PROS1: variants seen among roughly 807,000 people sequenced by gnomAD.
PROS1 encodes the protein vitamin K-dependent protein S.
Under a neutral mutation model 75.9 loss-of-function variants are expected in PROS1, and 29 were observed. That is an observed-to-expected ratio of 0.38 (90% CI 0.28 to 0.52). The LOEUF is 0.52. Among genes scored for constraint, PROS1 ranks in the 20% least tolerant of loss-of-function variants. The pLI is 0.83. For missense variants in PROS1, 680 were observed against 810.3 expected, an observed-to-expected ratio of 0.84 and a Z score of 1.95; for synonymous variants, 245 against 280.6, an observed-to-expected ratio of 0.87 and a Z score of 1.27.
chr3:93,917,765 C>T (rs969687109), intron 3 of PROS1, among the ~76,000 whole-genome samples: 4 of 152,168 alleles, frequency 2.6e-5, no homozygotes, highest in African/African-American at 9.6e-5. Flanking sequence ...GGTCCCCCAG[C>T]AGTGCTGGCC....
At chr3:93,908,504 T>A (rs555643840) in intron 4 of PROS1, among the ~76,000 whole-genome samples, 48 of 151,954 alleles carry the variant, frequency 3.2e-4, no homozygotes, top group Non-Finnish European at 6.6e-4. Flanking sequence ...TGTGTGTGTA[T>A]GGAAAGAGAG....
chr3:93,920,186 C>T (rs1027613381), intron 3 of PROS1, among the ~76,000 whole-genome samples: 4 of 151,996 alleles, frequency 2.6e-5, no homozygotes, highest in African/African-American at 9.6e-5. Flanking sequence ...CTGCTTGAGC[C>T]CAGGAGTTTG....
rs1708147232 is a variant in PROS1 at position 93,874,083 on chromosome 3, C to A, written c.*162G>T. 9.9e-6 allele frequency: 8 copies of A among 808,468 alleles called. No individual in the cohort carries two copies. The highest frequency in any genetic ancestry group is 1.3e-5 in the Non-Finnish European group (7 of 523,552). The allele number at this position is 808,468 out of a possible 1,614,324, so 50.1% of individuals were successfully genotyped here. A position where few individuals can be genotyped will look rare whatever the true frequency, so the allele number is the denominator to read the frequency against. On this transcript the variant is annotated 3_prime_UTR_variant, in exon 15 of 15. Transcript: ENST00000394236. ...AATTTCTTTACTGTGATTTATATCA[C>A]AACAGAATTTTTTTCCTTGACAAAG...
intron 10 of PROS1, among the ~76,000 whole-genome samples, chr3:93,889,943 G>C (rs1708406831): frequency 2.0e-5 from 3 of 152,064 alleles, no homozygotes; most frequent in African/African-American, 7.2e-5. Flanking sequence ...TGCAGGGTCG[G>C]GCAAAATAGA....
At chr3:93,936,087 TC>T (rs541442114) in intron 1 of PROS1, among the ~76,000 whole-genome samples, 2 of 146,242 alleles carry the variant, frequency 1.4e-5, no homozygotes, top group Non-Finnish European at 3.0e-5. Context: ...TGTCCCCATC[TC>T]CCCCCCACAC....
intron 12 of PROS1, among the ~76,000 whole-genome samples, chr3:93,881,701 A>G (rs1269998566): frequency 6.6e-6 from 1 of 151,988 alleles, no homozygotes; most frequent in African/African-American, 2.4e-5. Context: ...CTGGGACTAC[A>G]GGTGCATGCC....
intron 6 of PROS1, among the ~76,000 whole-genome samples, chr3:93,901,953 T>C (rs1410353297): frequency 1.3e-5 from 2 of 152,328 alleles, no homozygotes; most frequent in African/African-American, 2.4e-5. Context: ...AAAAACTCTA[T>C]GTTTTTGAAA....
chr3:93,891,169 A>T (rs1232506591), intron 10 of PROS1, among the ~76,000 whole-genome samples: 3 of 152,166 alleles, frequency 2.0e-5, no homozygotes, highest in Non-Finnish European at 4.4e-5. Context: ...ATCAGCACAA[A>T]CTTCTTGCCA....
chr3:93,904,534 A>G (rs1164623895), intron 6 of PROS1, among the ~76,000 whole-genome samples: 1 of 152,236 alleles, frequency 6.6e-6, no homozygotes, highest in African/African-American at 2.4e-5. Context: ...TGATTTGAAC[A>G]TGAATCCAAT....
intron 6 of PROS1, among the ~76,000 whole-genome samples, chr3:93,901,688 A>C (rs8178661): frequency 8.4e-4 from 128 of 152,338 alleles, no homozygotes; most frequent in South Asian, 6.2e-3. Flanking sequence ...CCAGATTAAT[A>C]GTCAAAATTT....
Position 93,879,206 on chromosome 3 carries a change from G to A in PROS1, c.1601C>T (p.Pro534Leu). 1.2e-6 allele frequency: 2 copies of A among 1,614,046 alleles called. No homozygotes were observed. Among genetic ancestry groups the A allele is most frequent in the Admixed American group, 3.3e-5 (2 of 60,008 alleles). ...GGAGTCCACCAAGGACACAGCAAAG[G>A]GCACTGTGTTGTTACCAGAAACCAA... ...LALVSGNNTVPFAVSLVDSTS... is the reference protein window; with the variant it reads ...LALVSGNNTVLFAVSLVDSTS... Residue 534 changes from proline to leucine, a missense_variant, in exon 13 of 15, where the codon CCC becomes CTC. Coordinates refer to ENST00000394236, the MANE Select transcript of PROS1 (RefSeq NM_000313.4).
At chr3:93,939,699 T>C (rs1390353624) in intron 1 of PROS1, among the ~76,000 whole-genome samples, 5 of 152,046 alleles carry the variant, frequency 3.3e-5, no homozygotes, top group East Asian at 3.9e-4. Context: ...TTTCATCAAA[T>C]GTAAAAATCC....
chr3:93,909,157 G>T (rs574876438), intron 4 of PROS1, among the ~76,000 whole-genome samples: 30 of 152,150 alleles, frequency 2.0e-4, no homozygotes, highest in Non-Finnish European at 3.2e-4. Context: ...ACAAAGTAGG[G>T]CCTGGAATGG....
intron 1 of PROS1, among the ~76,000 whole-genome samples, chr3:93,937,225 G>A (rs1188800459): frequency 6.6e-6 from 1 of 152,178 alleles, no homozygotes; most frequent in African/African-American, 2.4e-5. Context: ...GGTCGTGATT[G>A]ATTTGAGCAA....
intron 7 of PROS1, among the ~76,000 whole-genome samples, chr3:93,899,055 T>C (rs1257790841): frequency 5.9e-5 from 9 of 151,872 alleles, no homozygotes; most frequent in Admixed American, 5.9e-4. Flanking sequence ...TAACTGAAGG[T>C]TGATACAATC....
At chr3:93,903,880 A>G (rs924475838) in intron 6 of PROS1, among the ~76,000 whole-genome samples, 2 of 151,522 alleles carry the variant, frequency 1.3e-5, no homozygotes, top group Admixed American at 6.6e-5. Flanking sequence ...TTAGTTACAT[A>G]TGTATACATG....
At chr3:93,922,453 T>G (rs551811603) in intron 3 of PROS1, among the ~76,000 whole-genome samples, 1 of 152,318 alleles carries the variant, frequency 6.6e-6, no homozygotes, top group Non-Finnish European at 1.5e-5. Context: ...ATTTAAAAAC[T>G]ATAATGAAAC....
intron 1 of PROS1, among the ~76,000 whole-genome samples, chr3:93,953,900 T>A (rs928572592): frequency 6.6e-6 from 1 of 152,090 alleles, no homozygotes; most frequent in Non-Finnish European, 1.5e-5. Context: ...AAAATCAATA[T>A]GCAAAAATCA....
At chr3:93,918,617 C>T (rs769548625) in intron 3 of PROS1, among the ~76,000 whole-genome samples, 10 of 152,128 alleles carry the variant, frequency 6.6e-5, no homozygotes, top group African/African-American at 1.7e-4. Flanking sequence ...CGAGGGTCGG[C>T]GGCTTCATTC....
Sources: allele counts gnomAD v4.1 joint callset (sites outside exome capture counted in the v4.1 genomes callset), GRCh38; gene constraint gnomAD v4.1.1; transcripts MANE v1.5; gene names NCBI Gene and HGNC (gene_info 2026-07-23, HGNC 2026-07-21).